Variants in PLXNA4 observed in about 807,000 individuals in gnomAD.
The protein encoded by PLXNA4 is plexin-A4.
PLXNA4 carries 44 observed loss-of-function variants against 191.8 expected under a neutral mutation model. That is an observed-to-expected ratio of 0.23 (90% CI 0.18 to 0.29). The LOEUF is 0.29. Among genes scored for constraint, PLXNA4 ranks in the 10% least tolerant of loss-of-function variants. PLXNA4 has a pLI of 1.00. For missense variants in PLXNA4, 1,800 were observed against 2,488.8 expected (o/e 0.72, Z 5.89); for synonymous variants, 1,082 against 1,009.5 (o/e 1.07, Z -1.36).
In PLXNA4 at chr7:132,174,876, G is replaced by A. The variant is rs539545375; in HGVS notation, c.3919C>T (p.Leu1307=). ...AGGAACGGAATCCCGGCTCCATCCA[G>A]GTCACTGGTCAGCTCATGGATGTCC... The part of the protein sequence containing the change: ...QTDIHELTSD[L]DGAGIPFLDY... The change falls in exon 21 of 32, where the codon CTG becomes TTG. Residue 1307 remains leucine, a synonymous_variant. Coordinates refer to ENST00000321063, the MANE Select transcript of PLXNA4 (RefSeq NM_020911.2). 44 of 1,614,198 alleles carry A rather than the reference G, an allele frequency of 2.7e-5. No individual in the cohort carries two copies. The South Asian group carries it at 4.6e-4, about 17-fold the overall frequency.
intron 3 of PLXNA4, among the ~76,000 whole-genome samples, chr7:132,488,925 T>A (rs893908284): frequency 6.6e-6 from 1 of 152,236 alleles, no homozygotes; most frequent in Non-Finnish European, 1.5e-5. Flanking sequence ...GGAACAGGCA[T>A]GTCCCTTCCC....
chr7:132,531,691 G>A (rs545144742), intron 1 of PLXNA4, among the ~76,000 whole-genome samples: 58 of 152,284 alleles, frequency 3.8e-4, no homozygotes, highest in African/African-American at 1.3e-3. Context: ...CTGAACTTTC[G>A]AGTGCTGTGA....
chr7:132,477,445 C>T (rs755609728), intron 3 of PLXNA4, among the ~76,000 whole-genome samples: 8 of 152,216 alleles, frequency 5.3e-5, no homozygotes, highest in Non-Finnish European at 1.2e-4. Flanking sequence ...CCTTCCAAGT[C>T]TCCCAGATAA....
chr7:132,289,426 A>T (rs564572730), intron 4 of PLXNA4, among the ~76,000 whole-genome samples: 1 of 152,360 alleles, frequency 6.6e-6, no homozygotes, highest in African/African-American at 2.4e-5. Context: ...CTAAAAGCAT[A>T]GGGATATGTC....
intron 4 of PLXNA4, among the ~76,000 whole-genome samples, chr7:132,290,909 G>A (rs1024540218): frequency 1.5e-4 from 23 of 152,200 alleles, no homozygotes; most frequent in Admixed American, 4.6e-4. Flanking sequence ...ACAGAACTAC[G>A]TAATTTGCAA....
chr7:132,279,648 AAG>A (rs1380870257), intron 4 of PLXNA4, among the ~76,000 whole-genome samples: 2 of 152,054 alleles, frequency 1.3e-5, no homozygotes, highest in Non-Finnish European at 2.9e-5. Context: ...GAAGAAAAAA[AAG>A]AGAGAAAATT....
At chr7:132,481,206 G>GA (rs965164804) in intron 3 of PLXNA4, among the ~76,000 whole-genome samples, 1 of 152,080 alleles carries the variant, frequency 6.6e-6, no homozygotes, top group Non-Finnish European at 1.5e-5. Flanking sequence ...TTAAAGAGGG[G>GA]AAAATCAGTT....
chr7:132,512,373 G>A (rs1459291449), intron 1 of PLXNA4, among the ~76,000 whole-genome samples: 1 of 152,144 alleles, frequency 6.6e-6, no homozygotes, highest in East Asian at 1.9e-4. Context: ...TGAGCAGAAA[G>A]GTGCCATGGC....
chr7:132,628,987 A>C (rs2116876196), intron 2 of PLXNA4, among the ~76,000 whole-genome samples: 1 of 152,340 alleles, frequency 6.6e-6, no homozygotes, highest in East Asian at 1.9e-4. Context: ...TTTATATTCA[A>C]GAGTGAGGCA....
In PLXNA4 at chr7:132,156,922, A is replaced by G. The variant is rs943812287; in HGVS notation, c.4660+2551T>C. Among the ~76,000 whole-genome samples, 62 of 152,298 alleles carry G rather than the reference A, an allele frequency of 4.1e-4. 1 individual carries two copies. The highest frequency in any genetic ancestry group is 4.1e-3 in the Admixed American group (62 of 15,294). On this transcript the variant is annotated intron_variant, in intron 25 of 31. Coordinates refer to ENST00000321063, the MANE Select transcript of PLXNA4 (RefSeq NM_020911.2). ...AGCTCTAAACTCTAGATTTAAAAGG[A>G]AAAAAGGGAACTTCTCAGAAGAGCA...
intron 3 of PLXNA4, among the ~76,000 whole-genome samples, chr7:132,376,505 CTGATG>C (rs1359902151): frequency 6.6e-6 from 1 of 152,174 alleles, no homozygotes; most frequent in Non-Finnish European, 1.5e-5. Context: ...ACTATAAACA[CTGATG>C]TTAGGCAAGG....
At chr7:132,265,926 C>A (rs956148640) in intron 4 of PLXNA4, among the ~76,000 whole-genome samples, 4 of 152,112 alleles carry the variant, frequency 2.6e-5, no homozygotes, top group African/African-American at 9.7e-5. Flanking sequence ...CAGGTCCTAA[C>A]TATAACATGA....
intron 4 of PLXNA4, among the ~76,000 whole-genome samples, chr7:132,252,856 T>A (rs898915332): frequency 6.7e-6 from 1 of 150,022 alleles, no homozygotes; most frequent in Non-Finnish European, 1.5e-5. Flanking sequence ...AAAAAAATCG[T>A]GGCACATCTA....
intron 5 of PLXNA4, among the ~76,000 whole-genome samples, chr7:132,232,508 T>TGACCTCTCTTCC (rs1231809995): frequency 1.3e-5 from 2 of 152,176 alleles, no homozygotes; most frequent in African/African-American, 4.8e-5. Context: ...TAACCTCTTC[T>TGACCTCTCTTCC]GACCTCTCTT....
intron 2 of PLXNA4, among the ~76,000 whole-genome samples, chr7:132,642,594 C>T (rs1050000142): frequency 5.9e-5 from 9 of 151,946 alleles, no homozygotes; most frequent in Middle Eastern, 3.2e-3. Flanking sequence ...GAGGGGGGAA[C>T]GACAGGGCAC....
intron 1 of PLXNA4, among the ~76,000 whole-genome samples, chr7:132,512,087 G>A (rs1481354996): frequency 1.3e-5 from 2 of 152,180 alleles, no homozygotes; most frequent in Non-Finnish European, 2.9e-5. Flanking sequence ...ATGCTCTGCC[G>A]GCTAACAGGG....
At chr7:132,375,209 G>T (rs1210581566) in intron 3 of PLXNA4, among the ~76,000 whole-genome samples, 1 of 152,180 alleles carries the variant, frequency 6.6e-6, no homozygotes, top group Non-Finnish European at 1.5e-5. Context: ...GACTGATCGG[G>T]CTTTCCAGGC....
chr7:132,140,283 G>A (rs530751221), intron 30 of PLXNA4, among the ~76,000 whole-genome samples: 1 of 152,126 alleles, frequency 6.6e-6, no homozygotes. Flanking sequence ...TTTTTTGGGG[G>A]GTGGGTGGTG....
chr7:132,214,199 G>A (rs754421413), intron 9 of PLXNA4, among the ~76,000 whole-genome samples: 9 of 152,130 alleles, frequency 5.9e-5, no homozygotes, highest in Admixed American at 3.9e-4. Context: ...GAAACCCTCC[G>A]GAGCTGGGCT....
Sources: allele counts gnomAD v4.1 joint callset (sites outside exome capture counted in the v4.1 genomes callset), GRCh38; gene constraint gnomAD v4.1.1; transcripts MANE v1.5; gene names NCBI Gene and HGNC (gene_info 2026-07-23, HGNC 2026-07-21).